The following SPATA22 variants were observed in gnomAD, a reference collection of about 807,000 sequenced individuals.
The protein encoded by SPATA22 is spermatogenesis-associated protein 22.
In SPATA22, 29 loss-of-function variants were observed where a neutral mutation model predicts 47.8. The ratio of observed to expected loss-of-function variants is 0.61; its 90% confidence interval spans 0.45 to 0.83. The LOEUF (loss-of-function observed/expected upper bound fraction) is 0.83, where lower values mean the gene tolerates loss of function less well. SPATA22 is among the 40% of genes least tolerant of loss of function. SPATA22 has a pLI of 0.00. For missense variants in SPATA22, 410 were observed against 421.7 expected, an observed-to-expected ratio of 0.97 and a Z score of 0.24; for synonymous variants, 133 against 140.9, an observed-to-expected ratio of 0.94 and a Z score of 0.40.
chr17:3,502,053 C>T (rs1433069971), intron 1 of SPATA22: 1 of 152,172 alleles, frequency 6.6e-6, no homozygotes, highest in Non-Finnish European at 1.5e-5. Flanking sequence ...AAGAGTCAAT[C>T]AATGCAGCGA....
At chr17:3,464,212 C>T (rs1363766731) in intron 3 of SPATA22, among the ~76,000 whole-genome samples, 2 of 152,062 alleles carry the variant, frequency 1.3e-5, no homozygotes, top group Non-Finnish European at 2.9e-5. Context: ...CAGCTCCTAA[C>T]CGCGAGTGAT....
upstream of SPATA22, chr17:3,475,989 C>G (rs148112982): frequency 1.6e-6 from 1 of 642,214 alleles, no homozygotes; most frequent in Non-Finnish European, 2.7e-6. Context: ...TGTCCATAAA[C>G]GGGGCTCAGA....
At chr17:3,494,544 G>A (rs1165480945) in intron 1 of SPATA22, 27 of 1,134,820 alleles carry the variant, frequency 2.4e-5, no homozygotes, top group Non-Finnish European at 3.1e-5. Flanking sequence ...AGCACTTCGC[G>A]TACATTCGCC....
At chr17:3,453,080 C>T (rs11650761) in intron 5 of SPATA22, among the ~76,000 whole-genome samples, 50,031 of 152,024 alleles carry the variant, frequency 0.33, 10,546 homozygotes, top group Non-Finnish European at 0.48. Context: ...TGCTAGAAAA[C>T]TACAGGCCAA....
At chr17:3,505,236 T>C (rs1380305318) in intron 1 of SPATA22, among the ~76,000 whole-genome samples, 1 of 152,208 alleles carries the variant, frequency 6.6e-6, no homozygotes, top group Non-Finnish European at 1.5e-5. Context: ...TTACCCAAAT[T>C]GCAACCGTAA....
At position 3,499,082 on chromosome 17, in the gene SPATA22, A is replaced by T. The variant is rs778770959; in HGVS notation, c.-74+14330T>A. On this transcript the variant is annotated intron_variant, in intron 1 of 8. Coordinates refer to the SPATA22 transcript ENST00000541913. ...ATGCAAAAAGTATTCGCTGCTGTTT[A>T]CATTAGAAATCACTTCCAGCTTACA... 1.1e-4 allele frequency: 185 copies of T among 1,613,726 alleles called. No homozygotes were observed. Among genetic ancestry groups the T allele is most frequent in the Non-Finnish European group, 1.5e-4 (176 of 1,179,830 alleles).
intron 1 of SPATA22, chr17:3,502,147 G>T (rs1567621900): frequency 6.6e-6 from 1 of 152,170 alleles, no homozygotes; most frequent in Non-Finnish European, 1.5e-5. Flanking sequence ...CATCATCAAG[G>T]CAAGGCCCTC....
chr17:3,476,461 G>T (rs2073525039), upstream of SPATA22: 3 of 1,409,932 alleles, frequency 2.1e-6, no homozygotes, highest in African/African-American at 2.8e-5. Flanking sequence ...GTGTGAAAGA[G>T]AACACATATA....
intron 7 of SPATA22, among the ~76,000 whole-genome samples, chr17:3,446,051 T>C (rs371839647): frequency 5.3e-5 from 8 of 152,266 alleles, no homozygotes; most frequent in African/African-American, 1.9e-4. Context: ...CTTTGGCTCA[T>C]GGCCCCTTCC....
chr17:3,471,451 T>C (rs2073432595), intron 1 of SPATA22: 1 of 985,294 alleles, frequency 1.0e-6, no homozygotes, highest in Non-Finnish European at 1.2e-6. Context: ...AGCTCCCAAA[T>C]GGACCTAAGT....
rs556241176 is a variant in SPATA22, at chr17:3,485,728, G to A, written c.-73-16330C>T. ...CTGAGAAATTTTACCCGACTTACAA[G>A]CTAACCATTAGCCTAGCACCTCTGA... On this transcript the variant is annotated intron_variant, in intron 1 of 8. Coordinates refer to the SPATA22 transcript ENST00000541913. The surrounding 1 kb of genome is among the most constrained non-coding windows in gnomAD (Gnocchi z 4.4). Among the ~76,000 whole-genome samples, 38 of 152,268 alleles carry A rather than the reference G, an allele frequency of 2.5e-4. No individual in the cohort carries two copies. Among genetic ancestry groups the A allele is most frequent in the African/African-American group, 7.5e-4 (31 of 41,544 alleles).
chr17:3,458,871 A>AAAAAAAAAAAAAAAAAAAAAAAAAAC (rs2073058852), intron 5 of SPATA22, among the ~76,000 whole-genome samples: 1 of 150,942 alleles, frequency 6.6e-6, no homozygotes, highest in Non-Finnish European at 1.5e-5. Flanking sequence ...AAAAAAAAAA[A>AAAAAAAAAAAAAAAAAAAAAAAAAAC]AAAAAAAAAT....
intron 1 of SPATA22, among the ~76,000 whole-genome samples, chr17:3,484,712 A>T (rs1247682738): frequency 1.3e-5 from 2 of 152,258 alleles, no homozygotes; most frequent in African/African-American, 4.8e-5. Flanking sequence ...TCAAATTGCT[A>T]TAAAAGTTTC....
chr17:3,460,792 C>CAAAA (rs71379504), intron 5 of SPATA22, among the ~76,000 whole-genome samples: 2 of 60,070 alleles, frequency 3.3e-5, no homozygotes, highest in South Asian at 7.4e-4. Flanking sequence ...GATCCAGTCT[C>CAAAA]AAAAAAAAAA....
chr17:3,463,828 C>T (rs1307635649), intron 3 of SPATA22, among the ~76,000 whole-genome samples: 1 of 152,092 alleles, frequency 6.6e-6, no homozygotes, highest in Admixed American at 6.5e-5. Context: ...CTACTCTATT[C>T]TCTTCTATTT....
chr17:3,449,609 C>T lies in SPATA22; in HGVS notation c.330-460G>A, dbSNP rs2291605. 3.5e-4 allele frequency among the ~76,000 whole-genome samples: 53 copies of T among 152,142 alleles called. 1 individual carries two copies. The East Asian group carries it at 0.01, about 29-fold the overall frequency. On this transcript the variant is annotated intron_variant, in intron 5 of 8. Coordinates refer to ENST00000572969, the MANE Select transcript of SPATA22 (RefSeq NM_001170698.2). ...GTGGCTTAGCAATGATTTTAAATCACAAGGAGAATACATATAAGCAGGATA... is the reference window on the plus strand; with the variant it reads ...GTGGCTTAGCAATGATTTTAAATCATAAGGAGAATACATATAAGCAGGATA...
At chr17:3,456,769 C>A (rs1225291727) in intron 5 of SPATA22, among the ~76,000 whole-genome samples, 1 of 151,728 alleles carries the variant, frequency 6.6e-6, no homozygotes, top group Non-Finnish European at 1.5e-5. Flanking sequence ...AGACCAATAT[C>A]CTTGATGAAC....
At chr17:3,464,898 T>C (rs1452521705) in intron 3 of SPATA22, among the ~76,000 whole-genome samples, 6 of 56,190 alleles carry the variant, frequency 1.1e-4, no homozygotes, top group Admixed American at 1.9e-4. Flanking sequence ...TGGGGGGGGG[T>C]CAGCCCCCCA....
chr17:3,512,775 T>TC (rs1310979842), intron 1 of SPATA22: 1 of 151,844 alleles, frequency 6.6e-6, no homozygotes, highest in African/African-American at 2.4e-5. Context: ...TGCTTTTCTC[T>TC]CACAAGCTTC....
Sources: gnomAD v4.1 joint callset for allele counts (sites outside exome capture counted in the v4.1 genomes callset) on GRCh38, gnomAD v4.1.1 for gene constraint, Gnocchi (gnomAD v3.1) non-coding constraint, MANE v1.5 for transcripts, NCBI Gene and HGNC (gene_info 2026-07-23, HGNC 2026-07-21) for gene names.